FAM107B: variants seen among roughly 807,000 people sequenced by gnomAD.
FAM107B encodes the protein family with sequence similarity 107 member B.
Under a neutral mutation model 31.5 loss-of-function variants are expected in FAM107B, and 21 were observed. The observed-to-expected ratio is 0.67, with a 90% CI of 0.47 to 0.96. The LOEUF is 0.96. FAM107B is among the 40% of genes least tolerant of loss of function. The pLI is 0.00. For synonymous variants in FAM107B, 157 were observed against 141.5 expected, an observed-to-expected ratio of 1.11 and a Z score of -0.78; for missense variants, 452 against 377.1, an observed-to-expected ratio of 1.20 and a Z score of -1.64.
At chr10:14,736,659 A>G (rs1401360319) in intron 1 of FAM107B, among the ~76,000 whole-genome samples, 2 of 152,200 alleles carry the variant, frequency 1.3e-5, no homozygotes, top group Non-Finnish European at 2.9e-5. Context: ...AACCTTCACT[A>G]AGTATAAACA....
At chr10:14,713,191 G>C (rs1343748718) in intron 1 of FAM107B, among the ~76,000 whole-genome samples, 2 of 152,118 alleles carry the variant, frequency 1.3e-5, no homozygotes, top group Admixed American at 6.5e-5. Flanking sequence ...CTCAACAATG[G>C]ACAATATGCA....
intron 1 of FAM107B, among the ~76,000 whole-genome samples, chr10:14,711,352 C>T (rs143630306): frequency 6.6e-6 from 1 of 152,352 alleles, no homozygotes; most frequent in African/African-American, 2.4e-5. Flanking sequence ...GTCCTGCAAG[C>T]TCCATTCATG....
At chr10:14,595,763 T>G (rs1195661568) in intron 2 of FAM107B, among the ~76,000 whole-genome samples, 1 of 152,152 alleles carries the variant, frequency 6.6e-6, no homozygotes. Flanking sequence ...TCTCCCCATA[T>G]CAATCAATGG....
At chr10:14,670,227 C>A (rs1232913024) in intron 1 of FAM107B, among the ~76,000 whole-genome samples, 2 of 152,156 alleles carry the variant, frequency 1.3e-5, no homozygotes, top group Admixed American at 6.5e-5. Flanking sequence ...CATCAGAGAC[C>A]ATTTCTAAAA....
chr10:14,708,224 C>T (rs1287460420), intron 1 of FAM107B, among the ~76,000 whole-genome samples: 2 of 152,284 alleles, frequency 1.3e-5, no homozygotes, highest in East Asian at 3.9e-4. Context: ...ATTACAGGTG[C>T]CTGGCACCAC....
chr10:14,687,291 C>G (rs772227463), intron 1 of FAM107B, among the ~76,000 whole-genome samples: 3 of 152,110 alleles, frequency 2.0e-5, no homozygotes, highest in African/African-American at 7.2e-5. Flanking sequence ...ACGGAGAGAA[C>G]AAGAGCTCTT....
intron 1 of FAM107B, among the ~76,000 whole-genome samples, chr10:14,693,233 T>C (rs4748105): frequency 0.26 from 39,435 of 152,044 alleles, 5,938 homozygotes; most frequent in Admixed American, 0.34. Context: ...CCCAGCACTT[T>C]GGGAGGCCAA....
At chr10:14,688,778 A>G (rs548600197) in intron 1 of FAM107B, among the ~76,000 whole-genome samples, 4 of 152,204 alleles carry the variant, frequency 2.6e-5, no homozygotes, top group Admixed American at 2.0e-4. Context: ...CTCTCCGCCC[A>G]CACCTTCCTG....
chr10:14,553,443 A>G, intron 2 of FAM107B: 1 of 938,210 alleles, frequency 1.1e-6, no homozygotes, highest in Non-Finnish European at 1.5e-6. Context: ...TGCCAAAGCA[A>G]TCATTCTATC....
intron 1 of FAM107B, among the ~76,000 whole-genome samples, chr10:14,748,167 A>G (rs1434475205): frequency 6.6e-6 from 1 of 152,226 alleles, no homozygotes; most frequent in Non-Finnish European, 1.5e-5. Flanking sequence ...GGGCTACTTA[A>G]GAAGAAAGTC....
chr10:14,533,159 C>A (rs1847215262), intron 2 of FAM107B, among the ~76,000 whole-genome samples: 1 of 152,088 alleles, frequency 6.6e-6, no homozygotes, highest in Non-Finnish European at 1.5e-5. Context: ...CTCCAGCTCC[C>A]AGGTTTAGAA....
At chr10:14,558,515 GGAT>G (rs1319082377) in intron 2 of FAM107B, among the ~76,000 whole-genome samples, 6 of 152,158 alleles carry the variant, frequency 3.9e-5, no homozygotes, top group African/African-American at 1.4e-4. Flanking sequence ...GACCAAAATT[GGAT>G]GGCAATTTCC....
intron 2 of FAM107B, among the ~76,000 whole-genome samples, chr10:14,569,353 G>A (rs1217765462): frequency 6.6e-6 from 1 of 152,152 alleles, no homozygotes; most frequent in Non-Finnish European, 1.5e-5. Context: ...AAAGGAAGGG[G>A]AGGGTACATG....
At chr10:14,754,686 G>C (rs1052448509) in intron 1 of FAM107B, among the ~76,000 whole-genome samples, 2 of 152,196 alleles carry the variant, frequency 1.3e-5, no homozygotes, top group African/African-American at 4.8e-5. Context: ...TCAAGCCACT[G>C]TGATGCCTGC....
At chr10:14,604,223 G>T (rs1852510054) in intron 2 of FAM107B, 1 of 979,634 alleles carries the variant, frequency 1.0e-6, no homozygotes, top group South Asian at 4.7e-5. Context: ...GAAAGTAAGT[G>T]CGGGAGGCGA....
chr10:14,604,417 G>A (rs1370724780), intron 2 of FAM107B: 1 of 202,738 alleles, frequency 4.9e-6, no homozygotes, highest in Non-Finnish European at 8.6e-6. Context: ...CCGCGGCCCC[G>A]CGCGTCCGAA....
At chr10:14,569,268 T>A (rs973253985) in intron 2 of FAM107B, among the ~76,000 whole-genome samples, 2 of 152,122 alleles carry the variant, frequency 1.3e-5, no homozygotes, top group African/African-American at 4.8e-5. Context: ...ACAACTGATA[T>A]AGAAATAGAG....
intron 2 of FAM107B, among the ~76,000 whole-genome samples, chr10:14,657,809 C>CT (rs113344645): frequency 0.01 from 1,492 of 147,968 alleles, 29 homozygotes; most frequent in African/African-American, 0.035. Context: ...GCCACCTTCA[C>CT]TTTTTTTTTT....
intron 2 of FAM107B, among the ~76,000 whole-genome samples, chr10:14,600,103 C>T (rs1460278240): frequency 1.3e-5 from 2 of 152,180 alleles, no homozygotes; most frequent in Non-Finnish European, 2.9e-5. Context: ...CTCACTCTTT[C>T]CCCACAAATT....
Sources: allele counts gnomAD v4.1 joint callset (sites outside exome capture counted in the v4.1 genomes callset), GRCh38; gene constraint gnomAD v4.1.1; transcripts MANE v1.5; gene names NCBI Gene and HGNC (gene_info 2026-07-23, HGNC 2026-07-21).